C3: variants seen among roughly 807,000 people sequenced by gnomAD.
C3 encodes the protein C3 and PZP-like alpha-2-macroglobulin domain-containing protein 1.
Under a neutral mutation model 207.9 loss-of-function variants are expected in C3, and 97 were observed. That is an observed-to-expected ratio of 0.47 (90% CI 0.40 to 0.55). The LOEUF is 0.55. Ranked by LOEUF, C3 falls within the 20% of genes least tolerant of loss-of-function variation. The pLI, the probability that C3 is intolerant of heterozygous loss-of-function variation, is 0.00. For synonymous variants in C3, 848 were observed against 857.6 expected, an observed-to-expected ratio of 0.99 and a Z score of 0.20; for missense variants, 1,684 against 2,171.7, an observed-to-expected ratio of 0.78 and a Z score of 4.46.
chr19:6,701,677 C>T (rs1489863474), intron 19 of C3, among the ~76,000 whole-genome samples: 1 of 152,118 alleles, frequency 6.6e-6, no homozygotes, highest in Non-Finnish European at 1.5e-5. Context: ...CCCGCCACCC[C>T]CTGCCTGGCT....
chr19:6,686,040 G>T (rs1917997597), intron 29 of C3, 84 bp downstream of exon 29: 1 of 1,358,588 alleles, frequency 7.4e-7, no homozygotes, highest in Admixed American at 1.7e-5. Context: ...CTGCCTCGCT[G>T]GGCCTCAGTG....
chr19:6,678,138 G>A lies in C3; in HGVS notation c.4850+14C>T. Reference sequence around the variant, plus strand: ...AGTCGGGCGGTCGCGCGCACGCGCAGGGAAAGCACTCACTTGGGCTTCTCT... The same window carrying A: ...AGTCGGGCGGTCGCGCGCACGCGCAAGGAAAGCACTCACTTGGGCTTCTCT... On this transcript the variant is annotated intron_variant, in intron 40 of 40. Transcript: ENST00000245907. 2 of 1,614,212 alleles carry A rather than the reference G, an allele frequency of 1.2e-6. No homozygotes were observed. Among genetic ancestry groups the A allele is most frequent in the Non-Finnish European group, 1.7e-6 (2 of 1,180,032 alleles).
chr19:6,712,775 C>T (rs1431279271), intron 9 of C3, 152 bp from the exon 10 acceptor site: 5 of 725,276 alleles, frequency 6.9e-6, no homozygotes, highest in Non-Finnish European at 9.8e-6. Flanking sequence ...AGACTGGACT[C>T]CACCTTTATA....
rs141010917 is a variant in C3, at chr19:6,679,182, C to T, written c.4573G>A (p.Asp1525Asn). 2.2e-5 allele frequency: 36 copies of T among 1,614,098 alleles called. No individual in the cohort carries two copies. The highest frequency in any genetic ancestry group is 3.0e-5 in the Non-Finnish European group (35 of 1,180,032). The change falls in exon 38 of 41, where the codon GAC (aspartate) becomes AAC (asparagine). Residue 1525 changes from aspartate to asparagine, a missense_variant. Around this residue, in one of 3 missense-constraint regions of C3, gnomAD observed 346 missense variants for 380.1 expected, o/e 0.91. Coordinates refer to ENST00000245907, the MANE Select transcript of C3 (RefSeq NM_000064.4). ...AGCCGTTCTTCCAGGGTGACCTTGTCATCCGACTTTTGTATGAAGCAATTC... is the reference window on the plus strand; with the variant it reads ...AGCCGTTCTTCCAGGGTGACCTTGTTATCCGACTTTTGTATGAAGCAATTC... ...EENCFIQKSD[D>N]KVTLEERLDK...
chr19:6,697,989 T>TTTATTA lies in C3; in HGVS notation c.2441-201_2441-196dup, dbSNP rs146892701. Among the ~76,000 whole-genome samples the TTTATTA allele has an allele frequency of 0.052, 3,207 of 61,130 alleles. 51 individuals are homozygous for TTTATTA. The highest frequency in any genetic ancestry group is 0.16 in the East Asian group (209 of 1,316). 40.1% of individuals were successfully genotyped at this position (61,130 alleles called of 152,430 possible). ...TGGTGGTGGCTGGGAGTTACCATTATTTATTATTATTATTATTATTATTAT... is the reference window on the plus strand; with the variant it reads ...TGGTGGTGGCTGGGAGTTACCATTATTTATTATTATTATTATTATTATTATTATTAT... On this transcript the variant is annotated intron_variant, in intron 19 of 40. Coordinates refer to ENST00000245907, the MANE Select transcript of C3 (RefSeq NM_000064.4).
At chr19:6,692,706 G>T (rs1022376007) in intron 26 of C3, among the ~76,000 whole-genome samples, 2 of 152,168 alleles carry the variant, frequency 1.3e-5, no homozygotes, top group East Asian at 3.9e-4. Context: ...GCGAGGGGCC[G>T]TGTCTCTTCA....
intron 21 of C3, 78 bp from the exon 22 acceptor site, chr19:6,696,737 T>C (rs993495927): frequency 7.2e-7 from 1 of 1,384,416 alleles, no homozygotes; most frequent in African/African-American, 1.4e-5. Context: ...AGCAGGGCAC[T>C]GTCCTTAGGA....
rs140100966 is a variant in C3, at chr19:6,715,195, G to T, written c.505-749C>A. On this transcript the variant is annotated intron_variant, in intron 4 of 40. Transcript: ENST00000245907. ...CCATCTCAAAAAATAATGTATTAGGGCGAGCGCAATGGCTCAAGCCTGTAA... is the reference window on the plus strand; with the variant it reads ...CCATCTCAAAAAATAATGTATTAGGTCGAGCGCAATGGCTCAAGCCTGTAA... Among the ~76,000 whole-genome samples the T allele has an allele frequency of 2.5e-3, 386 of 152,206 alleles. 10 individuals are homozygous for T. The East Asian group carries it at 0.033, about 13-fold the overall frequency.
intron 35 of C3, 52 bp from the exon 36 acceptor site, chr19:6,680,315 G>A: frequency 1.0e-6 from 1 of 955,874 alleles, no homozygotes; most frequent in Non-Finnish European, 1.7e-6. Flanking sequence ...AGGGAGTCCA[G>A]CATTGTCTTG....
At chr19:6,700,184 A>G (rs891470946) in intron 19 of C3, among the ~76,000 whole-genome samples, 52 of 138,610 alleles carry the variant, frequency 3.8e-4, no homozygotes, top group African/African-American at 1.3e-3. Flanking sequence ...ATATGTTTAC[A>G]TAATATATTA....
chr19:6,703,147 C>T (rs1211040085), intron 17 of C3, among the ~76,000 whole-genome samples: 1 of 152,186 alleles, frequency 6.6e-6, no homozygotes, highest in Non-Finnish European at 1.5e-5. Flanking sequence ...ACATCCCGGA[C>T]ATGGAGGACT....
intron 13 of C3, among the ~76,000 whole-genome samples, 198 bp from the exon 14 acceptor site, chr19:6,710,040 A>G (rs1273405367): frequency 7.2e-6 from 1 of 138,004 alleles, no homozygotes; most frequent in Non-Finnish European, 1.6e-5. Context: ...AGAGAGAGAG[A>G]AAGGGAGAGA....
At chr19:6,709,591 C>T in intron 14 of C3, 93 bp downstream of exon 14, 1 of 1,360,048 alleles carries the variant, frequency 7.4e-7, no homozygotes, top group Non-Finnish European at 1.0e-6. Context: ...GCATGCCCCC[C>T]ACTGCACTGC....
At chr19:6,679,269 T>C (rs1476249809) in intron 37 of C3, 61 bp from the exon 38 acceptor site, 4 of 1,513,172 alleles carry the variant, frequency 2.6e-6, no homozygotes, top group African/African-American at 1.4e-5. Context: ...CTACTGCCCA[T>C]GGGTGTGGCC....
chr19:6,691,628 C>T (rs1918169981), intron 26 of C3, among the ~76,000 whole-genome samples: 2 of 152,150 alleles, frequency 1.3e-5, no homozygotes, highest in South Asian at 4.1e-4. Flanking sequence ...GAGACTGAGG[C>T]AGTGATTCTC....
chr19:6,709,345 A>G (rs931057402), intron 14 of C3, among the ~76,000 whole-genome samples: 1 of 152,038 alleles, frequency 6.6e-6, no homozygotes, highest in Admixed American at 6.6e-5. Context: ...CTACTAGGGA[A>G]GCTGAGGCAG....
In C3 at chr19:6,718,170, G is replaced by A. The variant is rs1464567589; in HGVS notation, c.434-6C>T. On this transcript the variant is annotated splice_region_variant and splice_polypyrimidine_tract_variant and intron_variant, in intron 3 of 40. Transcript: ENST00000245907. ...GGTGAAGATCCGATAGAGAACTGGGGAGAGACAAAGAGGCCTCGTGAGACC... is the reference window on the plus strand; with the variant it reads ...GGTGAAGATCCGATAGAGAACTGGGAAGAGACAAAGAGGCCTCGTGAGACC... 4 of 1,614,182 alleles carry A rather than the reference G, an allele frequency of 2.5e-6. No homozygotes were observed. In the South Asian group the frequency reaches 4.4e-5, roughly 18 times the overall value.
At chr19:6,701,879 A>T (rs2642207) in intron 19 of C3, among the ~76,000 whole-genome samples, 1 of 151,890 alleles carries the variant, frequency 6.6e-6, no homozygotes, top group Non-Finnish European at 1.5e-5. Flanking sequence ...ACCAGCCCAG[A>T]GCTGTTTCTT....
chr19:6,719,856 C>T lies in C3; in HGVS notation c.75-453G>A, dbSNP rs996280339. On this transcript the variant is annotated intron_variant, in intron 1 of 40. Transcript: ENST00000245907. This position sits in a 1 kb window ranked among gnomAD's most constrained non-coding sequence, Gnocchi z 5.4. ...AACTCTACCTACCCAAACCCACATA[C>T]GCCAAAACCTCTAAACCTCAAATCT... 6.6e-6 allele frequency among the ~76,000 whole-genome samples: 1 copy of T among 152,118 alleles called. No homozygotes were observed. The highest frequency in any genetic ancestry group is 1.5e-5 in the Non-Finnish European group (1 of 68,032).
Sources: allele counts gnomAD v4.1 joint callset (sites outside exome capture counted in the v4.1 genomes callset), GRCh38; gene constraint gnomAD v4.1.1; regional missense constraint gnomAD v4.1.1; non-coding constraint Gnocchi (gnomAD v3.1); transcripts MANE v1.5; gene names NCBI Gene and HGNC (gene_info 2026-07-23, HGNC 2026-07-21).